The following CHRM3 variants were observed in gnomAD, a reference collection of about 807,000 sequenced individuals.
The protein encoded by CHRM3 is muscarinic acetylcholine receptor M3.
A neutral mutation model predicts 41.8 loss-of-function variants in CHRM3; 11 were observed. That is an observed-to-expected ratio of 0.26 (90% CI 0.17 to 0.44). CHRM3 has a LOEUF of 0.44. Among genes scored for constraint, CHRM3 ranks in the 20% least tolerant of loss-of-function variants. The pLI, the probability that CHRM3 is intolerant of heterozygous loss-of-function variation, is 1.00. For synonymous variants in CHRM3, 297 were observed against 301.4 expected (o/e 0.99, Z 0.15); for missense variants, 571 against 745.4 (o/e 0.77, Z 2.72).
intron 4 of CHRM3, among the ~76,000 whole-genome samples, chr1:239,672,341 C>G (rs923649961): frequency 1.9e-4 from 29 of 152,060 alleles, no homozygotes; most frequent in African/African-American, 6.5e-4. Context: ...TCAGAAAAGG[C>G]TTCAGAAAAG....
intron 1 of CHRM3, among the ~76,000 whole-genome samples, chr1:239,435,497 A>G (rs1663184806): frequency 6.6e-6 from 1 of 151,722 alleles, no homozygotes; most frequent in Non-Finnish European, 1.5e-5. Flanking sequence ...TTCTCTCACT[A>G]CTGCCGGGGG....
intron 4 of CHRM3, among the ~76,000 whole-genome samples, chr1:239,670,550 G>A (rs1055777844): frequency 7.2e-5 from 11 of 151,826 alleles, no homozygotes; most frequent in African/African-American, 1.5e-4. Flanking sequence ...TCACTCTGTC[G>A]CCCAGGCTGG....
At chr1:239,426,991 G>A (rs1197884076) in intron 1 of CHRM3, among the ~76,000 whole-genome samples, 1 of 152,086 alleles carries the variant, frequency 6.6e-6, no homozygotes, top group Non-Finnish European at 1.5e-5. Flanking sequence ...AGGGAGGGGT[G>A]GGTGGAGCAG....
chr1:239,459,298 T>G (rs1339397878), intron 1 of CHRM3, among the ~76,000 whole-genome samples: 1 of 152,150 alleles, frequency 6.6e-6, no homozygotes, highest in Non-Finnish European at 1.5e-5. Context: ...ATCATTTATA[T>G]TCGTTTTGCT....
At chr1:239,760,390 T>A (rs1016770277) in intron 5 of CHRM3, among the ~76,000 whole-genome samples, 16 of 152,026 alleles carry the variant, frequency 1.1e-4, no homozygotes, top group African/African-American at 3.6e-4. Context: ...GAAAAAAAAA[T>A]ATGTAGTTTA....
intron 5 of CHRM3, among the ~76,000 whole-genome samples, chr1:239,782,979 T>C (rs1256549332): frequency 4.1e-5 from 2 of 48,854 alleles, no homozygotes; most frequent in African/African-American, 5.9e-5. Context: ...CGTTGTTTGA[T>C]TTCTAGTTTT....
At chr1:239,869,995 G>A (rs966432514) in intron 6 of CHRM3, among the ~76,000 whole-genome samples, 8 of 152,136 alleles carry the variant, frequency 5.3e-5, no homozygotes, top group Admixed American at 3.3e-4. Context: ...GTCATTTTGT[G>A]TTTGTTGTTT....
intron 6 of CHRM3, among the ~76,000 whole-genome samples, chr1:239,839,678 C>G (rs1266717524): frequency 6.6e-6 from 1 of 151,752 alleles, no homozygotes; most frequent in Non-Finnish European, 1.5e-5. Context: ...TATTCAAGGT[C>G]AAGAGTCCAC....
chr1:239,564,916 A>G (rs757764696), intron 3 of CHRM3, among the ~76,000 whole-genome samples: 1 of 152,204 alleles, frequency 6.6e-6, no homozygotes, highest in Non-Finnish European at 1.5e-5. Context: ...TCTAACAGAT[A>G]TGGAGGACAG....
intron 5 of CHRM3, chr1:239,719,649 C>T (rs1662737023): frequency 6.6e-6 from 1 of 151,902 alleles, no homozygotes; most frequent in Admixed American, 6.6e-5. Context: ...CATGTGTCCA[C>T]TGAAGGTAAG....
chr1:239,821,544 C>T (rs1438406187), intron 5 of CHRM3, among the ~76,000 whole-genome samples: 1 of 152,174 alleles, frequency 6.6e-6, no homozygotes, highest in African/African-American at 2.4e-5. Flanking sequence ...AAATAGGAAC[C>T]AAGTGGCAGG....
chr1:239,902,335 C>T (rs1572644845), intron 6 of CHRM3, among the ~76,000 whole-genome samples: 1 of 152,256 alleles, frequency 6.6e-6, no homozygotes, highest in Admixed American at 6.5e-5. Flanking sequence ...GAAGAAAGGT[C>T]GTCTCAAAAT....
chr1:239,458,290 A>T (rs1045499876), intron 1 of CHRM3, among the ~76,000 whole-genome samples: 1 of 152,164 alleles, frequency 6.6e-6, no homozygotes, highest in Admixed American at 6.5e-5. Context: ...TAATGAACAG[A>T]TGTGACTGTG....
chr1:239,637,990 C>T (rs1245177528), intron 4 of CHRM3, among the ~76,000 whole-genome samples: 1 of 145,604 alleles, frequency 6.9e-6, no homozygotes, highest in East Asian at 2.1e-4. Flanking sequence ...TCAATTCCCA[C>T]CTATGAGTGA....
At position 239,908,900 on chromosome 1, in the gene CHRM3, G is replaced by A. The variant is rs561088185; in HGVS notation, c.1449G>A (p.Leu483=). ...SQITKRKRMS[L]VKEKKAAQTL... Reference sequence around the variant, plus strand: ...TCACTAAGCGGAAAAGGATGTCCCTGGTCAAGGAGAAGAAAGCGGCCCAGA... The same window carrying A: ...TCACTAAGCGGAAAAGGATGTCCCTAGTCAAGGAGAAGAAAGCGGCCCAGA... Residue 483 remains leucine, a synonymous_variant, in exon 7 of 7, where the codon CTG becomes CTA. Transcript: ENST00000676153. The surrounding 1 kb of genome is among the most constrained non-coding windows in gnomAD (Gnocchi z 7.2). 2 of 1,614,070 alleles carry A rather than the reference G, an allele frequency of 1.2e-6. No individual in the cohort carries two copies. The highest frequency in any genetic ancestry group is 1.1e-5 in the South Asian group (1 of 91,080).
intron 1 of CHRM3, among the ~76,000 whole-genome samples, chr1:239,457,304 C>G (rs1436503348): frequency 1.3e-5 from 2 of 152,046 alleles, no homozygotes; most frequent in Non-Finnish European, 2.9e-5. Flanking sequence ...CAATATGATG[C>G]TTGACATATG....
chr1:239,504,535 C>G (rs1250894848), intron 2 of CHRM3, among the ~76,000 whole-genome samples: 1 of 152,126 alleles, frequency 6.6e-6, no homozygotes, highest in Non-Finnish European at 1.5e-5. Context: ...AAGTAGAACT[C>G]TCATTTGATC....
At chr1:239,422,197 G>A (rs1365814061) in intron 1 of CHRM3, among the ~76,000 whole-genome samples, 1 of 152,140 alleles carries the variant, frequency 6.6e-6, no homozygotes, top group Non-Finnish European at 1.5e-5. Context: ...CCATAAAGAA[G>A]CCTTGAGATT....
chr1:239,595,759 G>T (rs1053485781), intron 3 of CHRM3, among the ~76,000 whole-genome samples: 1 of 152,086 alleles, frequency 6.6e-6, no homozygotes, highest in African/African-American at 2.4e-5. Context: ...TCCAGTGTTG[G>T]TGAAATTTGG....
Sources: gnomAD v4.1 joint callset for allele counts (sites outside exome capture counted in the v4.1 genomes callset) on GRCh38, gnomAD v4.1.1 for gene constraint, Gnocchi (gnomAD v3.1) non-coding constraint, MANE v1.5 for transcripts, NCBI Gene and HGNC (gene_info 2026-07-23, HGNC 2026-07-21) for gene names.